Variants in DNAH12 observed in about 807,000 individuals in gnomAD.
DNAH12 encodes the protein axonemal beta dynein heavy chain 12.
A neutral mutation model predicts 371.5 loss-of-function variants in DNAH12; 285 were observed. The observed-to-expected ratio is 0.77, with a 90% CI of 0.70 to 0.85. The LOEUF (loss-of-function observed/expected upper bound fraction) is 0.85, where lower values mean the gene tolerates loss of function less well. Among genes scored for constraint, DNAH12 ranks in the 40% least tolerant of loss-of-function variants. The pLI is 0.00. For synonymous variants in DNAH12, 1,200 were observed against 1,213.0 expected (o/e 0.99, Z 0.22); for missense variants, 3,611 against 3,689.4 (o/e 0.98, Z 0.55).
rs900824224 is a variant in DNAH12, at chr3:57,457,992, A to G, written c.3065T>C (p.Leu1022Ser). 7.8e-6 allele frequency: 12 copies of G among 1,547,118 alleles called. No individual in the cohort carries two copies. Among genetic ancestry groups the G allele is most frequent in the Middle Eastern group, 1.7e-4 (1 of 5,986 alleles). ...KRLFFPRFFF[L>S]SNDEMLEILS... ...AATCTCTAACATTTCATCATTAGAT[A>G]AGAAGAAAAAACTAGGGAAAAACAT... is the stretch of plus-strand genomic sequence containing the variant. The change falls in exon 22 of 74, where the codon TTA becomes TCA. Residue 1022 changes from leucine (L) to serine (S), a missense_variant. Coordinates refer to ENST00000495027, the MANE Select transcript of DNAH12 (RefSeq NM_001366028.2).
Position 57,394,163 on chromosome 3 carries a change from G to T in DNAH12, c.7110+8C>A, listed in dbSNP as rs2063690277. ...TGCTAGAAGCAGCACTTCCCCAAAA[G>T]CATTTACCTCCATCACTTCCTGCTT... On this transcript the variant is annotated splice_region_variant and intron_variant, in intron 44 of 73. Transcript: ENST00000495027. 6.6e-6 allele frequency: 1 copy of T among 152,168 alleles called. No individual in the cohort carries two copies. The highest frequency in any genetic ancestry group is 1.5e-5 in the Non-Finnish European group (1 of 68,038). The allele number at this position is 152,168 out of a possible 1,614,324, so 9.4% of individuals were successfully genotyped here.
intron 69 of DNAH12, among the ~76,000 whole-genome samples, chr3:57,307,115 A>G (rs1442731404): frequency 6.6e-6 from 1 of 152,136 alleles, no homozygotes; most frequent in Non-Finnish European, 1.5e-5. Context: ...CTATCTCGGC[A>G]TAATTCTCAT....
At chr3:57,520,443 T>A (rs1001326216) in intron 4 of DNAH12, among the ~76,000 whole-genome samples, 1 of 52,592 alleles carries the variant, frequency 1.9e-5, no homozygotes, top group Non-Finnish European at 3.7e-5. Flanking sequence ...TTTTATTTAT[T>A]ATTATTATTT....
upstream of DNAH12, among the ~76,000 whole-genome samples, chr3:57,547,661 GCT>G (rs1189223823): frequency 6.6e-6 from 1 of 152,076 alleles, no homozygotes; most frequent in African/African-American, 2.4e-5. Context: ...TTACCAAATT[GCT>G]ATAAAACTAC....
At position 57,519,255 on chromosome 3, in the gene DNAH12, T is replaced by C. The variant is rs141095447; in HGVS notation, c.279+4328A>G. Among the ~76,000 whole-genome samples, 233 of 152,356 alleles carry C rather than the reference T, an allele frequency of 1.5e-3. 1 individual carries two copies. Among genetic ancestry groups the C allele is most frequent in the Non-Finnish European group, 2.6e-3 (179 of 68,034 alleles). On this transcript the variant is annotated intron_variant, in intron 4 of 73. Coordinates refer to ENST00000495027, the MANE Select transcript of DNAH12 (RefSeq NM_001366028.2). ...TGGGAGGAGGGGGTTTAAACTGCACTTTATTTGTTACCATAACATTCTTTT... is the reference window on the plus strand; with the variant it reads ...TGGGAGGAGGGGGTTTAAACTGCACCTTATTTGTTACCATAACATTCTTTT...
intron 11 of DNAH12, among the ~76,000 whole-genome samples, chr3:57,492,881 T>C (rs942470686): frequency 1.3e-5 from 2 of 152,076 alleles, no homozygotes; most frequent in African/African-American, 4.8e-5. Context: ...GGTAGGCACC[T>C]GTAGTCTCAG....
intron 49 of DNAH12, among the ~76,000 whole-genome samples, chr3:57,383,014 G>A (rs2063427206): frequency 6.6e-6 from 1 of 152,210 alleles, no homozygotes; most frequent in African/African-American, 2.4e-5. Flanking sequence ...TCAGACAAAT[G>A]GGGAGAGTGG....
intron 62 of DNAH12, among the ~76,000 whole-genome samples, 165 bp downstream of exon 62, chr3:57,334,300 T>C (rs2062173684): frequency 1.3e-5 from 2 of 152,142 alleles, no homozygotes; most frequent in East Asian, 1.9e-4. Flanking sequence ...TATTCCTAAA[T>C]TGAGGAAAAC....
chr3:57,344,666 A>C (rs570458312), intron 60 of DNAH12, among the ~76,000 whole-genome samples: 40 of 152,360 alleles, frequency 2.6e-4, no homozygotes, highest in Admixed American at 9.8e-4. Flanking sequence ...GAATGACATT[A>C]TGTTCAGTGA....
intron 58 of DNAH12, among the ~76,000 whole-genome samples, chr3:57,359,882 G>A (rs1291022353): frequency 2.6e-5 from 4 of 152,124 alleles, no homozygotes; most frequent in Non-Finnish European, 5.9e-5. Context: ...GGTAGGTGGA[G>A]AAAGGTAGAA....
At chr3:57,524,439 A>G (rs748928729) in intron 2 of DNAH12, among the ~76,000 whole-genome samples, 3 of 152,196 alleles carry the variant, frequency 2.0e-5, no homozygotes, top group Non-Finnish European at 4.4e-5. Context: ...TTCATAAGAT[A>G]TAATTTTCTC....
intron 18 of DNAH12, 88 bp downstream of exon 18, chr3:57,462,602 A>ACT (rs1370888180): frequency 6.9e-7 from 1 of 1,452,538 alleles, no homozygotes; most frequent in Admixed American, 2.2e-5. Context: ...GCTATCCAGT[A>ACT]CTATACACAT....
intron 8 of DNAH12, among the ~76,000 whole-genome samples, 185 bp from the exon 9 acceptor site, chr3:57,504,389 A>C (rs1313091979): frequency 1.0e-5 from 1 of 99,896 alleles, no homozygotes; most frequent in East Asian, 1.9e-4. Context: ...ACATACATGC[A>C]CACACACACA....
intron 2 of DNAH12, among the ~76,000 whole-genome samples, chr3:57,536,774 C>T (rs1004646401): frequency 6.6e-5 from 10 of 152,246 alleles, no homozygotes; most frequent in Middle Eastern, 3.4e-3. Flanking sequence ...GCCTGACTTC[C>T]GGTTCTTTAT....
At chr3:57,462,345 G>A (rs985842451) in intron 18 of DNAH12, among the ~76,000 whole-genome samples, 5 of 152,016 alleles carry the variant, frequency 3.3e-5, no homozygotes, top group Admixed American at 2.0e-4. Flanking sequence ...TCCACCTCCC[G>A]GGTTCAAGCA....
intron 13 of DNAH12, among the ~76,000 whole-genome samples, chr3:57,477,738 C>T (rs1390970262): frequency 5.3e-5 from 8 of 152,264 alleles, no homozygotes; most frequent in East Asian, 3.9e-4. Flanking sequence ...TCCAGAGGAA[C>T]GATCAGGCAG....
At chr3:57,431,668 T>C (rs1476010200) in intron 32 of DNAH12, among the ~76,000 whole-genome samples, 1 of 152,196 alleles carries the variant, frequency 6.6e-6, no homozygotes, top group Non-Finnish European at 1.5e-5. Flanking sequence ...AGGCCTACAA[T>C]ATTACCTATG....
At chr3:57,460,106 C>A (rs2066013875) in intron 19 of DNAH12, among the ~76,000 whole-genome samples, 1 of 151,964 alleles carries the variant, frequency 6.6e-6, no homozygotes, top group Non-Finnish European at 1.5e-5. Context: ...CAACCACAGG[C>A]AATTTTGCCT....
rs894797160 is a variant in DNAH12, at chr3:57,463,849, C to T, written c.2350-974G>A. 5.9e-5 allele frequency among the ~76,000 whole-genome samples: 9 copies of T among 152,074 alleles called. No homozygotes were observed. The South Asian group carries it at 1.2e-3, about 21-fold the overall frequency. On this transcript the variant is annotated intron_variant, in intron 17 of 73. Coordinates refer to ENST00000495027, the MANE Select transcript of DNAH12 (RefSeq NM_001366028.2). ...GTGATGCGATCTCGGCTCACTGCAA[C>T]CTCCGCCTTCTGGATTCAAGAGATT...
Sources: gnomAD v4.1 joint callset for allele counts (sites outside exome capture counted in the v4.1 genomes callset) on GRCh38, gnomAD v4.1.1 for gene constraint, MANE v1.5 for transcripts, NCBI Gene and HGNC (gene_info 2026-07-23, HGNC 2026-07-21) for gene names.